The following SDHA variants were observed in gnomAD, a reference collection of about 807,000 sequenced individuals.
SDHA encodes the protein succinate dehydrogenase [ubiquinone] flavoprotein subunit, mitochondrial.
SDHA carries 48 observed loss-of-function variants against 78.4 expected under a neutral mutation model. The observed-to-expected ratio is 0.61, with a 90% CI of 0.49 to 0.78. The LOEUF (loss-of-function observed/expected upper bound fraction) is 0.78, where lower values mean the gene tolerates loss of function less well. Ranked by LOEUF, SDHA falls within the 30% of genes least tolerant of loss-of-function variation. The probability of loss-of-function intolerance (pLI) is 0.00; values close to 1 mark genes in which losing one functional copy is unlikely to be tolerated. For synonymous variants in SDHA, 326 were observed against 353.9 expected (o/e 0.92, Z 0.88); for missense variants, 680 against 892.7 (o/e 0.76, Z 3.04).
downstream of SDHA, among the ~76,000 whole-genome samples, chr5:258,576 C>A (rs1350145616): frequency 7.8e-6 from 1 of 128,166 alleles, no homozygotes; most frequent in Non-Finnish European, 1.6e-5. Flanking sequence ...GCTCCGCCCC[C>A]CGCCAGAGCA....
Position 223,500 on chromosome 5 carries a change from A to G in SDHA, c.82A>G (p.Thr28Ala). The G allele has an allele frequency of 6.2e-7, 1 of 1,613,644 alleles. No individual in the cohort carries two copies. The highest frequency in any genetic ancestry group is 8.5e-7 in the Non-Finnish European group (1 of 1,179,528). ...LAKAWPTVLQ[T>A]GTRGFHFTVD... Reference sequence around the variant, plus strand: ...TCTCCAGTGGCCAACAGTGTTGCAAACAGGAACCCGAGGTTTTCACTTCAC... The same window carrying G: ...TCTCCAGTGGCCAACAGTGTTGCAAGCAGGAACCCGAGGTTTTCACTTCAC... The change falls in exon 2 of 15, where the codon ACA becomes GCA. Residue 28 changes from threonine to alanine, a missense_variant. By Grantham distance (58) the Thr-to-Ala change is moderately conservative. Transcript: ENST00000264932.
chr5:225,841 C>T (rs764113865), intron 4 of SDHA, 42 bp from the exon 5 acceptor site: 2 of 1,610,096 alleles, frequency 1.2e-6, no homozygotes, highest in South Asian at 2.2e-5. Flanking sequence ...ATCTTGACTC[C>T]TTTAAGGTGT....
At position 235,257 on chromosome 5, in the gene SDHA, T is replaced by A; in HGVS notation, c.1178T>A (p.Val393Glu). 6.2e-7 allele frequency: 1 copy of A among 1,614,054 alleles called. No individual in the cohort carries two copies. Among genetic ancestry groups the A allele is most frequent in the South Asian group, 1.1e-5 (1 of 91,082 alleles). The change falls in exon 9 of 15, where the codon GTG becomes GAG. Residue 393 changes from valine (V) to glutamate (E), a missense_variant. Coordinates refer to ENST00000264932, the MANE Select transcript of SDHA (RefSeq NM_004168.4). Reference protein sequence around the residue: ...ISETAMIFAGVDVTKEPIPVL... With the variant: ...ISETAMIFAGEDVTKEPIPVL... ...GAGACAGCCATGATCTTCGCTGGCG[T>A]GGACGTCACGAAGGAGCCGATCCCT...
At chr5:240,260 C>G in intron 10 of SDHA, 98 bp from the exon 11 acceptor site, 3 of 755,816 alleles carry the variant, frequency 4.0e-6, no homozygotes, top group Non-Finnish European at 7.0e-6. Flanking sequence ...TTCCAAGCTC[C>G]TTGAGTGGCT....
In SDHA at chr5:248,793, G is replaced by A. The variant is rs147817777; in HGVS notation, c.1552-2199G>A. Among the ~76,000 whole-genome samples, 1,468 of 152,268 alleles carry A rather than the reference G, an allele frequency of 9.6e-3. 33 individuals carry two copies. Among genetic ancestry groups the A allele is most frequent in the African/African-American group, 0.034 (1,404 of 41,544 alleles). On this transcript the variant is annotated intron_variant, in intron 11 of 14. Transcript: ENST00000264932. Reference sequence around the variant, plus strand: ...GCTTGAATTGCACCTCTCTGTCTGCGTGCCACGGCCACACTATGTTCAGCT... The same window carrying A: ...GCTTGAATTGCACCTCTCTGTCTGCATGCCACGGCCACACTATGTTCAGCT...
Position 233,578 on chromosome 5 carries a change from G to A in SDHA, c.997G>A (p.Val333Ile), listed in dbSNP as rs1062468. The stretch of plus-strand genomic sequence containing the variant: ...AAGGTTTATGGAGCGATACGCCCCT[G>A]TCGCGAAGGACCTGGCGTCTAGAGA... ...GERFMERYAP[V>I]AKDLASRDVV... The change falls in exon 8 of 15, where the codon GTC becomes ATC. Residue 333 changes from valine (V) to isoleucine (I), a missense_variant. Val to Ile is a conservative substitution (Grantham distance 29, BLOSUM62 3). Coordinates refer to ENST00000264932, the MANE Select transcript of SDHA (RefSeq NM_004168.4). 12 of 1,614,102 alleles carry A rather than the reference G, an allele frequency of 7.4e-6. No homozygotes were observed. Among genetic ancestry groups the A allele is most frequent in the East Asian group, 2.2e-5 (1 of 44,896 alleles).
At chr5:254,738 G>A (rs867391510) in intron 14 of SDHA, among the ~76,000 whole-genome samples, 12 of 152,260 alleles carry the variant, frequency 7.9e-5, no homozygotes, top group African/African-American at 1.7e-4. Flanking sequence ...GGGTTGCTCC[G>A]TGGTGTGCGC....
At chr5:267,849 C>G in the SDHA span, among the ~76,000 whole-genome samples, 2 of 152,198 alleles carry the variant, frequency 1.3e-5, no homozygotes, top group Admixed American at 1.3e-4. Context: ...ATTGGGTCAG[C>G]AGAACCAGGG....
chr5:259,535 C>A (rs1431951838), downstream of SDHA, among the ~76,000 whole-genome samples: 39 of 17,652 alleles, frequency 2.2e-3, no homozygotes, highest in Admixed American at 3.5e-3. Flanking sequence ...CCGCCTCCCG[C>A]CAGAGCATTA....
chr5:253,264 T>A (rs541301957), intron 13 of SDHA, among the ~76,000 whole-genome samples: 22 of 152,264 alleles, frequency 1.4e-4, no homozygotes, highest in African/African-American at 5.3e-4. Flanking sequence ...ACATGGTGAA[T>A]GGGAAAATCA....
chr5:255,061 G>A (rs1314596137), intron 14 of SDHA, among the ~76,000 whole-genome samples: 4 of 151,942 alleles, frequency 2.6e-5, no homozygotes, highest in African/African-American at 4.8e-5. Flanking sequence ...ACAGCCAGCC[G>A]AGGGTGTGGT....
At chr5:248,925 G>T in intron 11 of SDHA, 1 of 407,972 alleles carries the variant, frequency 2.5e-6, no homozygotes, top group Admixed American at 3.1e-5. Flanking sequence ...AAATGGTATG[G>T]CCCTTTGTAG....
At position 236,614 on chromosome 5, in the gene SDHA, C is replaced by T. The variant is rs2126590874; in HGVS notation, c.1432+15C>T. On this transcript the variant is annotated intron_variant, in intron 10 of 14. Transcript: ENST00000264932. ...ATGCAGGCCTGGTAAGTGTTTTCTT[C>T]AGGAGCCAGACTATTTGAGAAGGCG... 6.2e-7 allele frequency: 1 copy of T among 1,612,544 alleles called. No individual in the cohort carries two copies. Among genetic ancestry groups the T allele is most frequent in the Non-Finnish European group, 8.5e-7 (1 of 1,178,564 alleles).
intron 7 of SDHA, 94 bp downstream of exon 7, chr5:231,094 A>G (rs1198515618): frequency 1.5e-5 from 22 of 1,443,212 alleles, no homozygotes; most frequent in Non-Finnish European, 1.7e-5. Context: ...GTTTTATGTA[A>G]TAACATGGTT....
At chr5:233,774 T>C (rs6874921) in intron 8 of SDHA, 129 bp downstream of exon 8, 132,627 of 912,534 alleles carry the variant, frequency 0.15, 15,054 homozygotes, top group African/African-American at 0.52. Flanking sequence ...TCTTAGCTGC[T>C]GGCAGGCGTC....
chr5:246,103 G>A (rs62344299), intron 11 of SDHA, among the ~76,000 whole-genome samples: 19,797 of 151,824 alleles, frequency 0.13, 1,346 homozygotes, highest in Admixed American at 0.17. Flanking sequence ...GAGAAGACTC[G>A]AGCTGCAGCT....
chr5:264,939 G>T, the SDHA span, among the ~76,000 whole-genome samples: 1 of 152,196 alleles, frequency 6.6e-6, no homozygotes, highest in Non-Finnish European at 1.5e-5. Flanking sequence ...CAGGTGCGGT[G>T]GCTCACACCT....
chr5:256,989 G>C lies in SDHA; in HGVS notation c.*569G>C, dbSNP rs1245761651. Among the ~76,000 whole-genome samples, 2 of 151,570 alleles carry C rather than the reference G, an allele frequency of 1.3e-5. No homozygotes were observed. The highest frequency in any genetic ancestry group is 2.4e-5 in the African/African-American group (1 of 41,074). ...CCAGCTCATTTATTTTGTAATTGTAGGGACAGGGTCTCACTGTGTTGCCTA... is the reference window on the plus strand; with the variant it reads ...CCAGCTCATTTATTTTGTAATTGTACGGACAGGGTCTCACTGTGTTGCCTA... On this transcript the variant is annotated 3_prime_UTR_variant, in exon 15 of 15. Coordinates refer to ENST00000264932, the MANE Select transcript of SDHA (RefSeq NM_004168.4).
chr5:223,147 C>T (rs1734812497), intron 1 of SDHA, among the ~76,000 whole-genome samples: 1 of 152,232 alleles, frequency 6.6e-6, no homozygotes. Flanking sequence ...CTTTCCCCTT[C>T]TCCACTAAGT....
Sources: allele counts gnomAD v4.1 joint callset (sites outside exome capture counted in the v4.1 genomes callset), GRCh38; gene constraint gnomAD v4.1.1; transcripts MANE v1.5; gene names NCBI Gene and HGNC (gene_info 2026-07-23, HGNC 2026-07-21).